The following MSRA variants were observed in gnomAD, a reference collection of about 807,000 sequenced individuals.
MSRA encodes the protein mitochondrial peptide methionine sulfoxide reductase.
In MSRA, 54 loss-of-function variants were observed where a neutral mutation model predicts 31.3. The observed-to-expected ratio is 1.73, with a 90% confidence interval of 1.39 to 2.17. MSRA has a LOEUF of 2.17. Among genes scored for constraint, MSRA ranks in the 30% most tolerant of loss-of-function variants. MSRA has a pLI of 0.00. For missense variants in MSRA, 507 were observed against 300.9 expected, an observed-to-expected ratio of 1.69 and a Z score of -5.07; for synonymous variants, 169 against 116.5, an observed-to-expected ratio of 1.45 and a Z score of -2.90.
intron 1 of MSRA, among the ~76,000 whole-genome samples, chr8:10,165,246 A>G (rs1805021395): frequency 6.6e-6 from 1 of 152,222 alleles, no homozygotes; most frequent in Non-Finnish European, 1.5e-5. Context: ...TCATTACAAT[A>G]TAATGCCTTT....
At chr8:10,073,747 TTGTC>T (rs1293879338) in intron 1 of MSRA, among the ~76,000 whole-genome samples, 1 of 152,218 alleles carries the variant, frequency 6.6e-6, no homozygotes, top group East Asian at 1.9e-4. Context: ...TTTCTACTCT[TTGTC>T]TGTATTTCTA....
intron 1 of MSRA, among the ~76,000 whole-genome samples, chr8:10,182,067 A>T (rs978246408): frequency 1.4e-4 from 22 of 152,122 alleles, no homozygotes; most frequent in African/African-American, 4.6e-4. Flanking sequence ...TCCTATCTGG[A>T]TCTCTTGGCT....
intron 1 of MSRA, among the ~76,000 whole-genome samples, chr8:10,204,011 T>G (rs1047461280): frequency 6.6e-6 from 1 of 151,954 alleles, no homozygotes; most frequent in Non-Finnish European, 1.5e-5. Context: ...ATTTAAAAAG[T>G]AAAAAATGAA....
At chr8:10,403,261 C>T (rs1807576481) in intron 5 of MSRA, among the ~76,000 whole-genome samples, 1 of 152,200 alleles carries the variant, frequency 6.6e-6, no homozygotes. Context: ...GGGAAGGCTT[C>T]AGAAGCAAGG....
At chr8:10,399,447 A>G (rs559664511) in intron 5 of MSRA, among the ~76,000 whole-genome samples, 1 of 152,328 alleles carries the variant, frequency 6.6e-6, no homozygotes, top group East Asian at 1.9e-4. Context: ...GTGAGTTGCC[A>G]GTCAGTTAGT....
At chr8:10,332,771 A>G (rs1002957305) in intron 5 of MSRA, among the ~76,000 whole-genome samples, 4 of 152,252 alleles carry the variant, frequency 2.6e-5, no homozygotes, top group Admixed American at 2.0e-4. Context: ...TCTCTGTATT[A>G]CCCTTGGGCA....
intron 5 of MSRA, among the ~76,000 whole-genome samples, chr8:10,324,103 G>A (rs536762889): frequency 6.6e-6 from 1 of 152,192 alleles, no homozygotes; most frequent in East Asian, 1.9e-4. Context: ...TCGCCTTTCC[G>A]CCATGATGCT....
chr8:10,145,587 C>A (rs1803077879), intron 1 of MSRA, among the ~76,000 whole-genome samples: 1 of 152,160 alleles, frequency 6.6e-6, no homozygotes, highest in African/African-American at 2.4e-5. Flanking sequence ...CCTTCTTGTA[C>A]TTTTGATGTT....
chr8:10,255,742 A>G (rs1282024404), intron 3 of MSRA, among the ~76,000 whole-genome samples: 1 of 151,334 alleles, frequency 6.6e-6, no homozygotes, highest in Admixed American at 6.6e-5. Flanking sequence ...GTGAAATCAC[A>G]TACTGGGGGC....
intron 1 of MSRA, among the ~76,000 whole-genome samples, chr8:10,075,521 A>G (rs1205528903): frequency 6.6e-6 from 1 of 152,218 alleles, no homozygotes; most frequent in Non-Finnish European, 1.5e-5. Flanking sequence ...TATTTATGGA[A>G]GAGAAGTGTT....
At chr8:10,405,117 C>T (rs1807721682) in intron 5 of MSRA, among the ~76,000 whole-genome samples, 1 of 152,200 alleles carries the variant, frequency 6.6e-6, no homozygotes. Context: ...CCCAAGTGCA[C>T]CGGAAGCCTG....
chr8:10,291,216 G>C (rs1409273634), intron 3 of MSRA, among the ~76,000 whole-genome samples: 1 of 152,152 alleles, frequency 6.6e-6, no homozygotes, highest in Non-Finnish European at 1.5e-5. Context: ...TCCTCTGAGA[G>C]CATAATCTCT....
At chr8:10,364,281 C>G (rs1385738119) in intron 5 of MSRA, among the ~76,000 whole-genome samples, 1 of 152,160 alleles carries the variant, frequency 6.6e-6, no homozygotes, top group Admixed American at 6.5e-5. Flanking sequence ...TCCATGAACA[C>G]CCAGATAGAA....
chr8:10,164,386 G>A (rs1300045999), intron 1 of MSRA, among the ~76,000 whole-genome samples: 2 of 152,186 alleles, frequency 1.3e-5, no homozygotes, highest in African/African-American at 4.8e-5. Flanking sequence ...TCCCTTGGCT[G>A]CTGGCTGGGT....
chr8:10,221,880 A>C (rs1449491741), intron 2 of MSRA, among the ~76,000 whole-genome samples: 3 of 152,198 alleles, frequency 2.0e-5, no homozygotes, highest in Non-Finnish European at 4.4e-5. Flanking sequence ...ATGCAAGTAC[A>C]AAGGCCCTGA....
At chr8:10,215,488 G>A (rs1427600382) in intron 2 of MSRA, among the ~76,000 whole-genome samples, 1 of 152,208 alleles carries the variant, frequency 6.6e-6, no homozygotes, top group Non-Finnish European at 1.5e-5. Context: ...GGTGAGCTGT[G>A]ATCAAGTCCC....
chr8:10,353,655 G>A (rs995141220), intron 5 of MSRA: 1 of 456,114 alleles, frequency 2.2e-6, no homozygotes, highest in African/African-American at 2.0e-5. Flanking sequence ...AACACAGACT[G>A]GGCTGCAGAC....
At chr8:10,135,560 A>T (rs1047090336) in intron 1 of MSRA, among the ~76,000 whole-genome samples, 1 of 152,210 alleles carries the variant, frequency 6.6e-6, no homozygotes, top group Non-Finnish European at 1.5e-5. Context: ...ACATGATGAC[A>T]CTTAAATTTA....
intron 1 of MSRA, among the ~76,000 whole-genome samples, chr8:10,205,445 G>T (rs1808875928): frequency 6.6e-6 from 1 of 152,116 alleles, no homozygotes; most frequent in Non-Finnish European, 1.5e-5. Flanking sequence ...AAAGGTGGGG[G>T]ATGCTGGCAC....
Sources: gnomAD v4.1 joint callset for allele counts (sites outside exome capture counted in the v4.1 genomes callset) on GRCh38, gnomAD v4.1.1 for gene constraint, MANE v1.5 for transcripts, NCBI Gene and HGNC (gene_info 2026-07-23, HGNC 2026-07-21) for gene names.